CDC40: variants seen among roughly 807,000 people sequenced by gnomAD.
The protein encoded by CDC40 is pre-mRNA-processing factor 17.
In CDC40, 27 loss-of-function variants were observed where a neutral mutation model predicts 80.6. The observed-to-expected ratio is 0.33, with a 90% CI of 0.25 to 0.46. CDC40 has a LOEUF of 0.46. Ranked by LOEUF, CDC40 falls within the 20% of genes least tolerant of loss-of-function variation. The pLI is 1.00. For missense variants in CDC40, 486 were observed against 694.1 expected, an observed-to-expected ratio of 0.70 and a Z score of 3.37; for synonymous variants, 221 against 232.6, an observed-to-expected ratio of 0.95 and a Z score of 0.45.
intron 1 of CDC40, among the ~76,000 whole-genome samples, chr6:110,188,441 A>G (rs1189578029): frequency 1.3e-5 from 2 of 152,196 alleles, no homozygotes; most frequent in African/African-American, 2.4e-5. Context: ...ATCTTTCATC[A>G]GTAAAGATTC....
intron 2 of CDC40, chr6:110,198,989 G>C (rs932114093): frequency 6.6e-6 from 1 of 152,162 alleles, no homozygotes; most frequent in Non-Finnish European, 1.5e-5. Flanking sequence ...GCTGAGTCCT[G>C]CTAAGTAGCG....
intron 2 of CDC40, among the ~76,000 whole-genome samples, chr6:110,194,871 G>A (rs1777398651): frequency 6.6e-6 from 1 of 152,132 alleles, no homozygotes; most frequent in Non-Finnish European, 1.5e-5. Context: ...ACATTGCTGT[G>A]TAATTAGTTT....
intron 1 of CDC40, among the ~76,000 whole-genome samples, chr6:110,185,057 T>C (rs1777247300): frequency 6.6e-6 from 1 of 152,154 alleles, no homozygotes; most frequent in Non-Finnish European, 1.5e-5. Context: ...TTTCAGGCAC[T>C]GGAAACATTT....
chr6:110,189,730 A>G (rs974045005), intron 1 of CDC40, among the ~76,000 whole-genome samples: 1 of 152,130 alleles, frequency 6.6e-6, no homozygotes, highest in African/African-American at 2.4e-5. Context: ...GATTGACCAC[A>G]TCTTTGACTT....
intron 1 of CDC40, among the ~76,000 whole-genome samples, chr6:110,181,489 T>G (rs1777191036): frequency 6.6e-6 from 1 of 152,238 alleles, no homozygotes. Flanking sequence ...CAAAAATTCC[T>G]TTGTATCATG....
At chr6:110,180,775 A>T in intron 1 of CDC40, 142 bp downstream of exon 1, 1 of 640,548 alleles carries the variant, frequency 1.6e-6, no homozygotes, top group Non-Finnish European at 2.7e-6. Context: ...TCCTTCCCAC[A>T]TGCATCCTCG....
At chr6:110,185,740 A>C (rs1396678286) in intron 1 of CDC40, among the ~76,000 whole-genome samples, 3 of 152,210 alleles carry the variant, frequency 2.0e-5, no homozygotes, top group African/African-American at 7.2e-5. Flanking sequence ...TCCGTATTTG[A>C]AAATTGTGAA....
intron 9 of CDC40, among the ~76,000 whole-genome samples, 181 bp downstream of exon 9, chr6:110,215,512 C>T (rs1429796077): frequency 7.2e-5 from 11 of 152,110 alleles, no homozygotes; most frequent in South Asian, 6.2e-4. Context: ...GCAAGAGCAG[C>T]GGATGCAAAA....
At chr6:110,204,663 T>A (rs2114659469) in intron 3 of CDC40, among the ~76,000 whole-genome samples, 1 of 146,992 alleles carries the variant, frequency 6.8e-6, no homozygotes, top group South Asian at 2.2e-4. Context: ...ATTTCTCTTT[T>A]TTTTTTTTTT....
In CDC40 at chr6:110,212,173, C is replaced by T. The variant is rs759687430; in HGVS notation, c.768C>T (p.His256=). ...ACTATCAAGGCAGGTCCTATCTTCACATACCTCAGGATGTTGGTGTTAATC... is the reference window on the plus strand; with the variant it reads ...ACTATCAAGGCAGGTCCTATCTTCATATACCTCAGGATGTTGGTGTTAATC... ...MYDYQGRSYL[H]IPQDVGVNLR... The change falls in exon 7 of 15, where the codon CAC becomes CAT. Residue 256 remains histidine, a synonymous_variant. Coordinates refer to ENST00000307731, the MANE Select transcript of CDC40 (RefSeq NM_015891.3). The T allele has an allele frequency of 2.5e-6, 4 of 1,613,440 alleles. No homozygotes were observed. In the South Asian group the frequency reaches 4.4e-5, roughly 18 times the overall value.
chr6:110,207,096 T>G (rs1777572589), intron 3 of CDC40, among the ~76,000 whole-genome samples: 1 of 151,726 alleles, frequency 6.6e-6, no homozygotes, highest in Non-Finnish European at 1.5e-5. Context: ...GGTGGATCAT[T>G]TAAGGTCAGG....
chr6:110,181,764 G>C lies in CDC40; in HGVS notation c.189+1131G>C, dbSNP rs1279896219. On this transcript the variant is annotated intron_variant, in intron 1 of 14. Transcript: ENST00000307731. ...CAATGCAGTCTGGCCCTATCCTCTT[G>C]GGAAACTACTGTCTGTGAGTGATGT... 3.3e-5 allele frequency among the ~76,000 whole-genome samples: 5 copies of C among 151,996 alleles called. No homozygotes were observed. In the East Asian group the frequency reaches 9.7e-4, roughly 29 times the overall value.
At chr6:110,229,874 AGAT>A in intron 14 of CDC40, 77 bp from the exon 15 acceptor site, 1 of 843,510 alleles carries the variant, frequency 1.2e-6, no homozygotes, top group South Asian at 1.7e-5. Context: ...TAACGTGAAA[AGAT>A]AACGTCCCTA....
intron 11 of CDC40, 51 bp downstream of exon 11, chr6:110,219,530 A>G (rs1484517196): frequency 1.7e-6 from 2 of 1,169,782 alleles, no homozygotes; most frequent in Non-Finnish European, 1.3e-6. Flanking sequence ...ATGTTGTATA[A>G]GGGGATGGAA....
intron 12 of CDC40, among the ~76,000 whole-genome samples, chr6:110,222,614 A>G (rs571919889): frequency 6.6e-6 from 1 of 152,158 alleles, no homozygotes; most frequent in East Asian, 1.9e-4. Flanking sequence ...AACCCTTACT[A>G]TGAGAGCCTT....
At chr6:110,211,636 T>C (rs916056798) in intron 6 of CDC40, 1 of 152,956 alleles carries the variant, frequency 6.5e-6, no homozygotes. Flanking sequence ...GTGACTTTAT[T>C]GTAAAATTTG....
chr6:110,207,264 G>A (rs956900127), intron 3 of CDC40, among the ~76,000 whole-genome samples: 1 of 145,390 alleles, frequency 6.9e-6, no homozygotes, highest in Non-Finnish European at 1.5e-5. Flanking sequence ...GCAGTGAGCC[G>A]AGATTACACC....
At chr6:110,191,817 G>A (rs1490817385) in intron 1 of CDC40, among the ~76,000 whole-genome samples, 2 of 152,152 alleles carry the variant, frequency 1.3e-5, no homozygotes, top group Admixed American at 6.5e-5. Context: ...CAACCAGTTA[G>A]ACTCAACTCC....
At chr6:110,214,940 CTT>C (rs929215860) in intron 8 of CDC40, among the ~76,000 whole-genome samples, 4 of 152,128 alleles carry the variant, frequency 2.6e-5, no homozygotes, top group African/African-American at 4.8e-5. Flanking sequence ...AAAGTAGAAA[CTT>C]TTCATCCTAG....
Sources: allele counts gnomAD v4.1 joint callset (sites outside exome capture counted in the v4.1 genomes callset), GRCh38; gene constraint gnomAD v4.1.1; transcripts MANE v1.5; gene names NCBI Gene and HGNC (gene_info 2026-07-23, HGNC 2026-07-21).